Variants in DTHD1 observed in about 807,000 individuals in gnomAD.
DTHD1 encodes death domain containing 1, also known as death domain-containing protein 1.
Under a neutral mutation model 74.8 loss-of-function variants are expected in DTHD1, and 59 were observed. The observed-to-expected ratio is 0.79, with a 90% CI of 0.64 to 0.98. The LOEUF is 0.98. Among genes scored for constraint, DTHD1 ranks in the 50% least tolerant of loss-of-function variants. The pLI is 0.00. For synonymous variants in DTHD1, 365 were observed against 371.1 expected, an observed-to-expected ratio of 0.98 and a Z score of 0.19; for missense variants, 1,051 against 1,065.4, an observed-to-expected ratio of 0.99 and a Z score of 0.19.
intron 8 of DTHD1, among the ~76,000 whole-genome samples, chr4:36,318,961 C>T (rs1238822684): frequency 6.6e-6 from 1 of 152,152 alleles, no homozygotes; most frequent in Non-Finnish European, 1.5e-5. Flanking sequence ...ACCATACGGC[C>T]GTTACTTACG....
At chr4:36,307,319 G>C (rs1013703550) in intron 6 of DTHD1, among the ~76,000 whole-genome samples, 1 of 152,190 alleles carries the variant, frequency 6.6e-6, no homozygotes, top group African/African-American at 2.4e-5. Flanking sequence ...CCTTCCAAGG[G>C]CTGTGAGGGA....
At position 36,346,169 on chromosome 4, in the gene DTHD1, C is replaced by G. The variant is rs545688597; in HGVS notation, c.*2345C>G. ...CCACTTGTACACTCTCACAAATGTC[C>G]TCGTTCACATATACCCCACCTCCAC... On this transcript the variant is annotated 3_prime_UTR_variant, in exon 10 of 10. Coordinates refer to ENST00000639862, the MANE Select transcript of DTHD1 (RefSeq NM_001170700.3). 6.6e-6 allele frequency among the ~76,000 whole-genome samples: 1 copy of G among 151,986 alleles called. No individual in the cohort carries two copies. The highest frequency in any genetic ancestry group is 2.4e-5 in the African/African-American group (1 of 41,460).
intron 8 of DTHD1, among the ~76,000 whole-genome samples, chr4:36,317,487 A>G (rs567845177): frequency 6.6e-6 from 1 of 152,180 alleles, no homozygotes; most frequent in Non-Finnish European, 1.5e-5. Context: ...TCTCATTAAT[A>G]ATTTGTTTAC....
At chr4:36,298,213 G>T (rs534894678) in intron 5 of DTHD1, among the ~76,000 whole-genome samples, 1 of 151,972 alleles carries the variant, frequency 6.6e-6, no homozygotes, top group South Asian at 2.1e-4. Context: ...TTGTGTGTGT[G>T]CCAACCCCAT....
chr4:36,331,421 G>C (rs996032532), intron 8 of DTHD1, among the ~76,000 whole-genome samples: 3 of 152,070 alleles, frequency 2.0e-5, no homozygotes, highest in African/African-American at 7.2e-5. Context: ...ACAGTAAGCA[G>C]GAAAAGTCAG....
chr4:36,304,594 G>A (rs758412196), intron 5 of DTHD1, among the ~76,000 whole-genome samples: 2 of 152,112 alleles, frequency 1.3e-5, no homozygotes, highest in Non-Finnish European at 2.9e-5. Flanking sequence ...TCACATTCTG[G>A]TCTCCATTCA....
intron 8 of DTHD1, among the ~76,000 whole-genome samples, chr4:36,321,768 G>GC (rs928205075): frequency 1.3e-4 from 20 of 152,090 alleles, no homozygotes; most frequent in Admixed American, 5.9e-4. Context: ...TCATGCCTCT[G>GC]CCCCAAACCC....
At chr4:36,343,081 C>A (rs1042336577) in intron 9 of DTHD1, among the ~76,000 whole-genome samples, 2 of 126,050 alleles carry the variant, frequency 1.6e-5, no homozygotes, top group East Asian at 2.3e-4. Flanking sequence ...CAGAGCGAGA[C>A]TCAACAAACA....
intron 8 of DTHD1, among the ~76,000 whole-genome samples, chr4:36,330,723 C>A (rs1758612898): frequency 6.6e-6 from 1 of 152,102 alleles, no homozygotes; most frequent in African/African-American, 2.4e-5. Flanking sequence ...CACCCCAGAC[C>A]ATTGTTATGG....
chr4:36,303,163 G>T (rs1374532418), intron 5 of DTHD1, among the ~76,000 whole-genome samples: 1 of 152,164 alleles, frequency 6.6e-6, no homozygotes, highest in East Asian at 1.9e-4. Context: ...ATGTCAGCAT[G>T]TTGCCTTTTA....
chr4:36,283,323 C>T (rs1254428587), intron 1 of DTHD1, among the ~76,000 whole-genome samples: 1 of 152,154 alleles, frequency 6.6e-6, no homozygotes, highest in Non-Finnish European at 1.5e-5. Context: ...AGTTAGTAGG[C>T]TTTGAGTAGC....
At chr4:36,324,074 G>C (rs943222680) in intron 8 of DTHD1, among the ~76,000 whole-genome samples, 1 of 152,154 alleles carries the variant, frequency 6.6e-6, no homozygotes, top group Non-Finnish European at 1.5e-5. Context: ...ACAGGATCCT[G>C]TGTTCTTTTT....
intron 8 of DTHD1, among the ~76,000 whole-genome samples, chr4:36,321,694 C>A (rs571264438): frequency 6.6e-6 from 1 of 152,176 alleles, no homozygotes; most frequent in Admixed American, 6.5e-5. Flanking sequence ...TGGTCTTCTA[C>A]GAAACTGGTT....
chr4:36,291,752 C>T (rs993144392), intron 3 of DTHD1, among the ~76,000 whole-genome samples: 3 of 152,138 alleles, frequency 2.0e-5, no homozygotes, highest in African/African-American at 7.2e-5. Flanking sequence ...CGCTTGAACC[C>T]GGGAAGCGGA....
intron 7 of DTHD1, chr4:36,311,791 C>A (rs1354397232): frequency 6.6e-6 from 1 of 151,824 alleles, no homozygotes; most frequent in East Asian, 1.9e-4. Context: ...TAGGGCAGAG[C>A]CTGACAGTTA....
rs113734283 is a variant in DTHD1 at position 36,330,166 on chromosome 4, A to C, written c.2341-8946A>C. ...TGAGGCACAAGAGATTACTTTGCTT[A>C]AGGGTACGAGTTTAATGAATATGTT... On this transcript the variant is annotated intron_variant, in intron 8 of 9. Transcript: ENST00000639862. 2.8e-3 allele frequency among the ~76,000 whole-genome samples: 426 copies of C among 152,286 alleles called. 1 individual carries two copies. The highest frequency in any genetic ancestry group is 9.8e-3 in the African/African-American group (409 of 41,568).
At chr4:36,332,319 T>C (rs1312062193) in intron 8 of DTHD1, among the ~76,000 whole-genome samples, 1 of 152,188 alleles carries the variant, frequency 6.6e-6, no homozygotes, top group Non-Finnish European at 1.5e-5. Context: ...CTTCCAAATA[T>C]GTGTAAAATG....
rs932024510 is a variant in DTHD1 at position 36,343,526 on chromosome 4, A to G, written c.2423A>G (p.His808Arg). The change falls in exon 10 of 10, where the codon CAT (histidine) becomes CGT (arginine). Residue 808 changes from histidine to arginine, a missense_variant. Transcript: ENST00000639862. ...GAAGCCCTTTGGGATAACTTGCTCC[A>G]TTGGCTGGCTGAGGAGCTCTCAGAA... ...PVEALWDNLLHWLAEELSEEN... is the reference protein window; with the variant it reads ...PVEALWDNLLRWLAEELSEEN... 6.4e-7 allele frequency: 1 copy of G among 1,551,398 alleles called. No homozygotes were observed. The highest frequency in any genetic ancestry group is 1.2e-5 in the South Asian group (1 of 84,044).
chr4:36,343,083 C>CAACAAACA (rs149943081), intron 9 of DTHD1, among the ~76,000 whole-genome samples: 9,477 of 150,546 alleles, frequency 0.063, 673 homozygotes, highest in East Asian at 0.2. Context: ...GAGCGAGACT[C>CAACAAACA]AACAAACAAA....
Sources: allele counts gnomAD v4.1 joint callset (sites outside exome capture counted in the v4.1 genomes callset), GRCh38; gene constraint gnomAD v4.1.1; transcripts MANE v1.5; gene names NCBI Gene and HGNC (gene_info 2026-07-23, HGNC 2026-07-21).